Variants in ATXN1 observed in about 807,000 individuals in gnomAD.
ATXN1 encodes ataxin-1.
ATXN1 carries 8 observed loss-of-function variants against 56.4 expected under a neutral mutation model. The observed-to-expected ratio is 0.14, with a 90% CI of 0.08 to 0.26. ATXN1 has a LOEUF of 0.26. Among genes scored for constraint, ATXN1 ranks in the 10% least tolerant of loss-of-function variants. The pLI, the probability that ATXN1 is intolerant of heterozygous loss-of-function variation, is 1.00. For missense variants in ATXN1, 987 were observed against 1,106.5 expected (o/e 0.89, Z 1.53); for synonymous variants, 514 against 494.6 (o/e 1.04, Z -0.52).
intron 3 of ATXN1, among the ~76,000 whole-genome samples, chr6:16,590,844 ATT>A (rs59157013): frequency 5.2e-5 from 7 of 135,740 alleles, no homozygotes; most frequent in Admixed American, 7.4e-5. Context: ...TAATTTTTTA[ATT>A]TTTTTTTTTT....
chr6:16,541,104 CAG>C (rs1761705827), intron 4 of ATXN1, among the ~76,000 whole-genome samples: 1 of 152,196 alleles, frequency 6.6e-6, no homozygotes, highest in African/African-American at 2.4e-5. Flanking sequence ...CAGAATATCA[CAG>C]AGCTGAAGGA....
At chr6:16,390,715 C>T (rs1758336674) in intron 6 of ATXN1, among the ~76,000 whole-genome samples, 1 of 151,556 alleles carries the variant, frequency 6.6e-6, no homozygotes. Flanking sequence ...CACGCATGCA[C>T]ACAAGCAATG....
intron 7 of ATXN1, among the ~76,000 whole-genome samples, chr6:16,314,691 C>G (rs946149218): frequency 1.3e-5 from 2 of 152,024 alleles, no homozygotes; most frequent in South Asian, 4.2e-4. Flanking sequence ...TCTCGGCTCA[C>G]TGCAAACTCC....
chr6:16,311,220 A>T (rs1302361263), intron 7 of ATXN1, among the ~76,000 whole-genome samples: 1 of 152,194 alleles, frequency 6.6e-6, no homozygotes, highest in Non-Finnish European at 1.5e-5. Flanking sequence ...TGCTCTTCCA[A>T]TTTTGTAAAT....
chr6:16,381,241 G>A (rs573452178), intron 6 of ATXN1, among the ~76,000 whole-genome samples: 40 of 152,074 alleles, frequency 2.6e-4, no homozygotes, highest in East Asian at 1.7e-3. Flanking sequence ...AAGTGAGATC[G>A]CACCACTGCA....
intron 2 of ATXN1, chr6:16,752,993 G>C (rs886631800): frequency 3.5e-6 from 1 of 289,296 alleles, no homozygotes; most frequent in Admixed American, 4.7e-5. Flanking sequence ...ATCAATCATC[G>C]CAAAGTCAAA....
At chr6:16,366,996 A>AC (rs1761934503) in intron 6 of ATXN1, among the ~76,000 whole-genome samples, 2 of 146,308 alleles carry the variant, frequency 1.4e-5, no homozygotes, top group African/African-American at 5.6e-5. Flanking sequence ...CATAGAGCCC[A>AC]AACTGGAGAT....
rs1362409297 is a variant in ATXN1 at position 16,348,982 on chromosome 6, CCTAA to C, written c.-160-20516_-160-20513del. Reference sequence around the variant, plus strand: ...TTCTCTGATCTAAGTACTAACCAGGCCTAACTAATTCATTTCTCTGTGCCTCAGT... The same window carrying C: ...TTCTCTGATCTAAGTACTAACCAGGCCTAATTCATTTCTCTGTGCCTCAGT... On this transcript the variant is annotated intron_variant, in intron 6 of 7. Coordinates refer to ENST00000436367, the MANE Select transcript of ATXN1 (RefSeq NM_001128164.2). Among the ~76,000 whole-genome samples, 24 of 152,308 alleles carry C rather than the reference CCTAA, an allele frequency of 1.6e-4. 1 individual carries two copies. The Middle Eastern group carries it at 0.014, about 87-fold the overall frequency.
intron 6 of ATXN1, among the ~76,000 whole-genome samples, chr6:16,364,063 G>T (rs1581715264): frequency 6.6e-6 from 1 of 152,190 alleles, no homozygotes; most frequent in Admixed American, 6.5e-5. Context: ...TTCAGAACTT[G>T]AAAGTGTCCA....
chr6:16,314,190 G>A (rs575479629), intron 7 of ATXN1, among the ~76,000 whole-genome samples: 41 of 141,564 alleles, frequency 2.9e-4, no homozygotes, highest in Admixed American at 2.8e-3. Flanking sequence ...TGTATGAGAA[G>A]TAAAATAAGG....
intron 3 of ATXN1, among the ~76,000 whole-genome samples, chr6:16,590,284 T>C (rs997496452): frequency 2.0e-5 from 3 of 152,166 alleles, no homozygotes; most frequent in Non-Finnish European, 2.9e-5. Flanking sequence ...TGAAATAGAC[T>C]GCAAACAGGA....
At chr6:16,661,662 G>T (rs960435168) in intron 2 of ATXN1, among the ~76,000 whole-genome samples, 2 of 151,772 alleles carry the variant, frequency 1.3e-5, no homozygotes, top group Non-Finnish European at 2.9e-5. Flanking sequence ...TCCAAGACTG[G>T]GTTACATGAA....
At chr6:16,678,661 A>T (rs1758735670) in intron 2 of ATXN1, among the ~76,000 whole-genome samples, 1 of 152,262 alleles carries the variant, frequency 6.6e-6, no homozygotes, top group African/African-American at 2.4e-5. Flanking sequence ...TTTAAATATA[A>T]GTAGACATCA....
intron 4 of ATXN1, among the ~76,000 whole-genome samples, chr6:16,563,266 T>C (rs1457444457): frequency 6.6e-6 from 1 of 152,118 alleles, no homozygotes; most frequent in Non-Finnish European, 1.5e-5. Context: ...ATGAGCCCAC[T>C]AGAAAAGCAA....
rs1758767745 is a variant in ATXN1 at position 16,410,118 on chromosome 6, G to A, written c.-161+75854C>T. 6.6e-6 allele frequency among the ~76,000 whole-genome samples: 1 copy of A among 152,176 alleles called. No individual in the cohort carries two copies. Among genetic ancestry groups the A allele is most frequent in the Non-Finnish European group, 1.5e-5 (1 of 68,030 alleles). On this transcript the variant is annotated intron_variant, in intron 6 of 7. Coordinates refer to ENST00000436367, the MANE Select transcript of ATXN1 (RefSeq NM_001128164.2). This position sits in a 1 kb window ranked among gnomAD's most constrained non-coding sequence, Gnocchi z 4.6. ...AGAGGATGAAGCAGAGGGTGGCACC[G>A]GAGCCCTACCTGGGTGCTGGCACTG...
At chr6:16,332,157 T>G (rs1201617480) in intron 6 of ATXN1, among the ~76,000 whole-genome samples, 1 of 152,186 alleles carries the variant, frequency 6.6e-6, no homozygotes, top group Non-Finnish European at 1.5e-5. Flanking sequence ...TATTTACCAG[T>G]GCAGCACGGA....
chr6:16,376,339 C>G (rs1162874838), intron 6 of ATXN1, among the ~76,000 whole-genome samples: 3 of 152,216 alleles, frequency 2.0e-5, no homozygotes, highest in African/African-American at 7.2e-5. Flanking sequence ...CACAGCATAT[C>G]TGAAAGGAGA....
rs931215409 is a variant in ATXN1, at chr6:16,410,647, T to G, written c.-161+75325A>C. On this transcript the variant is annotated intron_variant, in intron 6 of 7. Transcript: ENST00000436367. The surrounding 1 kb of genome is among the most constrained non-coding windows in gnomAD (Gnocchi z 4.6). ...ATTTGTTTTACTAGAATCTTCTTTA[T>G]GTTCTAAAGTCTTAATCATGCATTT... 6.6e-6 allele frequency among the ~76,000 whole-genome samples: 1 copy of G among 152,268 alleles called. No individual in the cohort carries two copies. The highest frequency in any genetic ancestry group is 1.5e-5 in the Non-Finnish European group (1 of 68,044).
intron 2 of ATXN1, among the ~76,000 whole-genome samples, chr6:16,694,239 CT>C (rs57275122): frequency 3.3e-4 from 44 of 132,216 alleles, no homozygotes; most frequent in African/African-American, 3.9e-4. Context: ...TTTGTCACTT[CT>C]TTTTTTTTTT....
Sources: gnomAD v4.1 joint callset for allele counts (sites outside exome capture counted in the v4.1 genomes callset) on GRCh38, gnomAD v4.1.1 for gene constraint, Gnocchi (gnomAD v3.1) non-coding constraint, MANE v1.5 for transcripts, NCBI Gene and HGNC (gene_info 2026-07-23, HGNC 2026-07-21) for gene names.